Variants in CSNK2A2IP observed in about 807,000 individuals in gnomAD.
The protein encoded by CSNK2A2IP is casein kinase II subunit alpha'-interacting protein.
the CSNK2A2IP span, among the ~76,000 whole-genome samples, chr3:88,452,426 A>G: frequency 2.0e-5 from 3 of 152,260 alleles, no homozygotes; most frequent in South Asian, 6.2e-4. Context: ...AGTTAGGCTG[A>G]CTCAGCACTC....
the CSNK2A2IP span, among the ~76,000 whole-genome samples, chr3:88,463,569 C>T: frequency 6.6e-6 from 1 of 152,028 alleles, no homozygotes; most frequent in African/African-American, 2.4e-5. Context: ...CATCACTGGC[C>T]ATCAGAGAAA....
chr3:88,438,401 A>C, the CSNK2A2IP span, among the ~76,000 whole-genome samples: 2 of 152,130 alleles, frequency 1.3e-5, no homozygotes, highest in Non-Finnish European at 2.9e-5. Flanking sequence ...CTTAGAAACT[A>C]GGATTCCTCT....
chr3:88,409,514 A>G, the CSNK2A2IP span, among the ~76,000 whole-genome samples: 4 of 150,796 alleles, frequency 2.7e-5, no homozygotes, highest in Admixed American at 2.6e-4. Context: ...TCAGGTACAG[A>G]AGAAAATTTT....
At chr3:88,441,734 T>TA in the CSNK2A2IP span, among the ~76,000 whole-genome samples, 1 of 152,182 alleles carries the variant, frequency 6.6e-6, no homozygotes, top group Admixed American at 6.5e-5. Flanking sequence ...GATTTAGATG[T>TA]AAAGTCTTCC....
At chr3:88,384,303 G>T in the CSNK2A2IP span, among the ~76,000 whole-genome samples, 2 of 151,824 alleles carry the variant, frequency 1.3e-5, no homozygotes, top group African/African-American at 4.8e-5. Flanking sequence ...TGATTGGGTG[G>T]TAAGGGACTG....
the CSNK2A2IP span, among the ~76,000 whole-genome samples, chr3:88,401,087 A>C: frequency 1.3e-5 from 2 of 152,188 alleles, no homozygotes; most frequent in Non-Finnish European, 2.9e-5. Context: ...TGAAGTTATC[A>C]TATGTTATTG....
chr3:88,426,492 T>C, the CSNK2A2IP span, among the ~76,000 whole-genome samples: 6 of 152,320 alleles, frequency 3.9e-5, no homozygotes, highest in Admixed American at 1.3e-4. Flanking sequence ...ACTAGCCCTG[T>C]TATGGTTTGG....
the CSNK2A2IP span, among the ~76,000 whole-genome samples, chr3:88,458,683 A>G: frequency 4.6e-5 from 7 of 151,670 alleles, no homozygotes; most frequent in African/African-American, 1.7e-4. Context: ...TGCCTTTTTG[A>G]TACTGTCATT....
the CSNK2A2IP span, among the ~76,000 whole-genome samples, chr3:88,411,583 G>A: frequency 6.6e-6 from 1 of 151,762 alleles, no homozygotes. Flanking sequence ...GGATTTTGTA[G>A]AAAAAAGTTA....
chr3:88,451,772 A>G, the CSNK2A2IP span, among the ~76,000 whole-genome samples: 1 of 144,924 alleles, frequency 6.9e-6, no homozygotes, highest in East Asian at 2.0e-4. Flanking sequence ...TACTGAATTT[A>G]TATTTATTCT....
the CSNK2A2IP span, among the ~76,000 whole-genome samples, chr3:88,447,238 AT>A: frequency 1.3e-5 from 2 of 152,228 alleles, no homozygotes; most frequent in East Asian, 3.9e-4. Flanking sequence ...AATTTAGCTG[AT>A]TTTCAAGTTA....
At chr3:88,435,976 T>TAATGCACATTATGTGTGCATTATATA in the CSNK2A2IP span, among the ~76,000 whole-genome samples, 1 of 147,766 alleles carries the variant, frequency 6.8e-6, no homozygotes, top group African/African-American at 2.5e-5. Flanking sequence ...ATTATATATA[T>TAATGCACATTATGTGTGCATTATATA]TTCAGGAAAA....
At chr3:88,458,370 C>T in the CSNK2A2IP span, among the ~76,000 whole-genome samples, 5 of 151,910 alleles carry the variant, frequency 3.3e-5, no homozygotes, top group South Asian at 2.1e-4. Context: ...AGGCTGGTCT[C>T]GAACTCCTTA....
chr3:88,429,651 A>G, the CSNK2A2IP span, among the ~76,000 whole-genome samples: 1 of 152,168 alleles, frequency 6.6e-6, no homozygotes, highest in Admixed American at 6.5e-5. Context: ...GGAAGTTTTT[A>G]TTGATGATGT....
chr3:88,404,773 G>A, the CSNK2A2IP span, among the ~76,000 whole-genome samples: 6 of 124,236 alleles, frequency 4.8e-5, 1 homozygote, highest in Non-Finnish European at 9.4e-5. Flanking sequence ...AAACATCACC[G>A]CTCTCTGCCT....
chr3:88,380,885 T>C, the CSNK2A2IP span, among the ~76,000 whole-genome samples: 2 of 152,202 alleles, frequency 1.3e-5, no homozygotes, highest in Non-Finnish European at 2.9e-5. Flanking sequence ...TGTTGATCTA[T>C]CAAAACTAAT....
At chr3:88,418,837 C>A in the CSNK2A2IP span, among the ~76,000 whole-genome samples, 1 of 152,104 alleles carries the variant, frequency 6.6e-6, no homozygotes, top group Non-Finnish European at 1.5e-5. Context: ...CTGTTAGGAG[C>A]TGGGCCACAC....
chr3:88,338,951 T>C, the CSNK2A2IP span, among the ~76,000 whole-genome samples: 2 of 152,148 alleles, frequency 1.3e-5, no homozygotes, highest in South Asian at 4.1e-4. Context: ...AATAGTTGTC[T>C]GTATGTATGC....
the CSNK2A2IP span, among the ~76,000 whole-genome samples, chr3:88,414,270 G>GTTTTTTTTTTTTTT: frequency 1.6e-5 from 1 of 64,106 alleles, no homozygotes; most frequent in African/African-American, 7.3e-5. Flanking sequence ...TACCAACAAA[G>GTTTTTTTTTTTTTT]TTTTTTTTTT....
Sources: gnomAD v4.1 joint callset for allele counts (sites outside exome capture counted in the v4.1 genomes callset) on GRCh38, gnomAD v4.1.1 for gene constraint, MANE v1.5 for transcripts, NCBI Gene and HGNC (gene_info 2026-07-23, HGNC 2026-07-21) for gene names.